The following SMOC1 variants were observed in gnomAD, a reference collection of about 807,000 sequenced individuals.
SMOC1 encodes the protein SPARC-related modular calcium-binding protein 1.
Under a neutral mutation model 56.3 loss-of-function variants are expected in SMOC1, and 22 were observed. The observed-to-expected ratio is 0.39, with a 90% CI of 0.28 to 0.56. The LOEUF is 0.56. Among genes scored for constraint, SMOC1 ranks in the 20% least tolerant of loss-of-function variants. The probability of loss-of-function intolerance (pLI) is 0.61; values close to 1 mark genes in which losing one functional copy is unlikely to be tolerated. For missense variants in SMOC1, 509 were observed against 565.4 expected (o/e 0.90, Z 1.01); for synonymous variants, 193 against 215.0 (o/e 0.90, Z 0.89).
chr14:69,919,049 T>C (rs1047881472), intron 1 of SMOC1, among the ~76,000 whole-genome samples: 6 of 152,230 alleles, frequency 3.9e-5, no homozygotes, highest in African/African-American at 1.4e-4. Flanking sequence ...TCTTTGCTGC[T>C]GTCTCTGAGA....
chr14:70,011,452 C>CG, intron 8 of SMOC1, 33 bp from the exon 9 acceptor site: 200 of 1,359,350 alleles, frequency 1.5e-4, no homozygotes, highest in Non-Finnish European at 1.9e-4. Flanking sequence ...TTGCCAGCCC[C>CG]TCCCAACCCC....
chr14:69,997,317 C>T (rs1884804912), intron 7 of SMOC1, among the ~76,000 whole-genome samples: 1 of 152,216 alleles, frequency 6.6e-6, no homozygotes, highest in Admixed American at 6.5e-5. Flanking sequence ...CATGCTCCCA[C>T]AAACGGGTTG....
chr14:69,883,889 ATTTTTTTTTTTT>A (rs34300667), intron 1 of SMOC1, among the ~76,000 whole-genome samples: 87 of 66,644 alleles, frequency 1.3e-3, no homozygotes, highest in African/African-American at 5.8e-3. Context: ...GATGTTGAGC[ATTTTTTTTTTTT>A]TTTTTTTTTT....
rs761154559 is a variant in SMOC1 at position 69,965,404 on chromosome 14, T to TAATAATAATAATAATAATAATAATA, written c.379-10309_379-10308insTAATAATAATAATAATAATAATAAA. Among the ~76,000 whole-genome samples the TAATAATAATAATAATAATAATAATA allele has an allele frequency of 4.7e-5, 7 of 149,478 alleles. No individual in the cohort carries two copies. In the South Asian group the frequency reaches 1.3e-3, roughly 27 times the overall value. The stretch of plus-strand genomic sequence containing the variant: ...ATAATAATAATAATAATAATAATAA[T>TAATAATAATAATAATAATAATAATA]AAAAAGATGACCAAAGGGATACCTG... On this transcript the variant is annotated intron_variant, in intron 3 of 11. Transcript: ENST00000361956.
chr14:69,918,293 A>G (rs1239577408), intron 1 of SMOC1, among the ~76,000 whole-genome samples: 2 of 151,940 alleles, frequency 1.3e-5, no homozygotes, highest in Non-Finnish European at 2.9e-5. Flanking sequence ...CAGTGGTGCA[A>G]TCACGGCTTA....
intron 10 of SMOC1, among the ~76,000 whole-genome samples, chr14:70,019,676 G>C (rs1885641186): frequency 6.6e-6 from 1 of 152,158 alleles, no homozygotes; most frequent in Admixed American, 6.5e-5. Flanking sequence ...GGTTGAGGGG[G>C]TCTAACTGTG....
intron 1 of SMOC1, among the ~76,000 whole-genome samples, chr14:69,902,531 C>T (rs1566666551): frequency 6.6e-6 from 1 of 152,108 alleles, no homozygotes; most frequent in African/African-American, 2.4e-5. Context: ...GCCTTGGGGT[C>T]CTTGCAGCTT....
chr14:69,974,058 T>C (rs1308123762), intron 3 of SMOC1, among the ~76,000 whole-genome samples: 1 of 152,162 alleles, frequency 6.6e-6, no homozygotes, highest in African/African-American at 2.4e-5. Flanking sequence ...AGACCAAGAA[T>C]TGAGAAAATA....
At chr14:69,919,794 A>C (rs1338552050) in intron 1 of SMOC1, among the ~76,000 whole-genome samples, 1 of 152,208 alleles carries the variant, frequency 6.6e-6, no homozygotes, top group Non-Finnish European at 1.5e-5. Context: ...TTTTCAAAAA[A>C]TGTATTTTAA....
chr14:69,906,232 G>A (rs1027525332), intron 1 of SMOC1, among the ~76,000 whole-genome samples: 2 of 152,202 alleles, frequency 1.3e-5, no homozygotes, highest in African/African-American at 4.8e-5. Context: ...TGACTCCACT[G>A]GAGGTGCTGC....
chr14:70,025,670 G>A (rs1885899156), intron 11 of SMOC1, among the ~76,000 whole-genome samples: 1 of 152,204 alleles, frequency 6.6e-6, no homozygotes, highest in African/African-American at 2.4e-5. Context: ...TACACTTACT[G>A]GTTGAGCATC....
chr14:70,002,069 C>T lies in SMOC1; in HGVS notation c.664+7589C>T, dbSNP rs537100743. 1.7e-4 allele frequency among the ~76,000 whole-genome samples: 26 copies of T among 152,306 alleles called. 1 individual carries two copies. The highest frequency in any genetic ancestry group is 1.4e-3 in the Admixed American group (21 of 15,298). ...TCCCCTACCTCTAGTTCCCTCTGAC[C>T]GCCCTGAGTTCTCTCTGGCAGTTGA... On this transcript the variant is annotated intron_variant, in intron 7 of 11. Transcript: ENST00000361956.
chr14:69,975,279 G>A (rs918150372), intron 3 of SMOC1, among the ~76,000 whole-genome samples: 1 of 152,050 alleles, frequency 6.6e-6, no homozygotes, highest in African/African-American at 2.4e-5. Context: ...GGAGGCAGAG[G>A]GTGCAGTGAG....
At chr14:69,897,388 A>G (rs1180508489) in intron 1 of SMOC1, among the ~76,000 whole-genome samples, 1 of 152,166 alleles carries the variant, frequency 6.6e-6, no homozygotes, top group Non-Finnish European at 1.5e-5. Context: ...AACCATTTAT[A>G]TTTAAAGTGA....
chr14:70,000,687 G>A (rs952884972), intron 7 of SMOC1, among the ~76,000 whole-genome samples: 2 of 152,176 alleles, frequency 1.3e-5, no homozygotes, highest in Admixed American at 6.5e-5. Context: ...GTTCTTCCCT[G>A]CCCTGTAGGA....
chr14:69,940,627 T>C (rs181925030), intron 1 of SMOC1, among the ~76,000 whole-genome samples: 9 of 152,314 alleles, frequency 5.9e-5, no homozygotes, highest in Admixed American at 2.0e-4. Context: ...CTTTGTCCTC[T>C]TTGCCTTTGC....
At chr14:70,022,289 T>C (rs756765905) in intron 10 of SMOC1, among the ~76,000 whole-genome samples, 30 of 152,214 alleles carry the variant, frequency 2.0e-4, no homozygotes, top group Admixed American at 6.5e-4. Flanking sequence ...ATAACATAGA[T>C]GAGTAGGCCA....
intron 1 of SMOC1, among the ~76,000 whole-genome samples, chr14:69,929,619 G>A (rs964055564): frequency 6.6e-6 from 1 of 152,138 alleles, no homozygotes; most frequent in Non-Finnish European, 1.5e-5. Context: ...CTGTGTGAGA[G>A]GGAAGCCTGG....
Position 69,969,373 on chromosome 14 carries a change from G to T in SMOC1, c.379-6342G>T, listed in dbSNP as rs550093337. Among the ~76,000 whole-genome samples the T allele has an allele frequency of 9.2e-5, 14 of 152,258 alleles. No individual in the cohort carries two copies. In the South Asian group the frequency reaches 2.9e-3, roughly 32 times the overall value. On this transcript the variant is annotated intron_variant, in intron 3 of 11. Coordinates refer to ENST00000361956, the MANE Select transcript of SMOC1 (RefSeq NM_001034852.3). ...TGATGCTGGCATCTACTCCGCTTCT[G>T]GAAAGGCCTCAGGAAACTTACAATC...
Sources: gnomAD v4.1 joint callset for allele counts (sites outside exome capture counted in the v4.1 genomes callset) on GRCh38, gnomAD v4.1.1 for gene constraint, MANE v1.5 for transcripts, NCBI Gene and HGNC (gene_info 2026-07-23, HGNC 2026-07-21) for gene names.